PIWIL1: variants seen among roughly 807,000 people sequenced by gnomAD.
The protein encoded by PIWIL1 is piwi like RNA-mediated gene silencing 1.
PIWIL1 carries 73 observed loss-of-function variants against 114.4 expected under a neutral mutation model. That is an observed-to-expected ratio of 0.64 (90% confidence interval 0.53 to 0.78). The LOEUF is 0.78. Ranked by LOEUF, PIWIL1 falls within the 30% of genes least tolerant of loss-of-function variation. The probability of loss-of-function intolerance (pLI) is 0.00; values close to 1 mark genes in which losing one functional copy is unlikely to be tolerated. For missense variants in PIWIL1, 723 were observed against 1,063.1 expected, an observed-to-expected ratio of 0.68 and a Z score of 4.45; for synonymous variants, 375 against 369.0, an observed-to-expected ratio of 1.02 and a Z score of -0.19.
the PIWIL1 span, among the ~76,000 whole-genome samples, chr12:130,381,148 C>T: frequency 1.3e-5 from 2 of 152,296 alleles, no homozygotes; most frequent in Admixed American, 1.3e-4. Context: ...AGGGTTCACT[C>T]CTGTATCTAC....
At chr12:130,373,862 CT>C (rs373661312), downstream of PIWIL1, among the ~76,000 whole-genome samples, 16 of 152,324 alleles carry the variant, frequency 1.1e-4, no homozygotes, top group East Asian at 1.9e-3. Context: ...AGAGAATTCA[CT>C]GCCGCACTCA....
chr12:130,347,057 CA>C lies in PIWIL1; in HGVS notation c.649del (p.Arg217GlyfsTer4). 6.2e-7 allele frequency: 1 copy of C among 1,605,058 alleles called. No individual in the cohort carries two copies. Among genetic ancestry groups the C allele is most frequent in the Non-Finnish European group, 8.5e-7 (1 of 1,175,172 alleles). On this transcript the variant is annotated frameshift_variant, in exon 6 of 21. Coordinates refer to ENST00000245255, the MANE Select transcript of PIWIL1 (RefSeq NM_004764.5). LOFTEE classifies it high-confidence loss of function. ...GTTTGCAGTTCTATAATATTATTTT[CA>C]GGAGGTATGTGTTTTATTTCAACAT... ...TCLQFYNIIF[R>X]RLLKIMNLQQ...
intron 9 of PIWIL1, chr12:130,351,544 G>A (rs1394062218): frequency 6.6e-6 from 1 of 152,190 alleles, no homozygotes. Context: ...TCTCAACACG[G>A]CCCCTACTCG....
At chr12:130,396,558 A>G in the PIWIL1 span, 2 of 152,668 alleles carry the variant, frequency 1.3e-5, no homozygotes, top group Non-Finnish European at 2.9e-5. Context: ...CTTGTGTGCC[A>G]TTCATTGCTG....
chr12:130,370,648 C>T (rs1398078262), intron 19 of PIWIL1, among the ~76,000 whole-genome samples: 1 of 152,128 alleles, frequency 6.6e-6, no homozygotes, highest in Admixed American at 6.5e-5. Flanking sequence ...CTTTCATGTT[C>T]CCTTCCACTT....
chr12:130,398,078 T>A, the PIWIL1 span: 1 of 152,556 alleles, frequency 6.6e-6, no homozygotes, highest in African/African-American at 2.4e-5. Context: ...TTAATTATAA[T>A]CAAAGAAAGC....
chr12:130,411,848 G>GTGAC, the PIWIL1 span, among the ~76,000 whole-genome samples: 9 of 151,678 alleles, frequency 5.9e-5, no homozygotes, highest in Non-Finnish European at 7.4e-5. Context: ...TTTTGATTTT[G>GTGAC]TGATTATCCT....
At chr12:130,389,464 A>G in the PIWIL1 span, among the ~76,000 whole-genome samples, 1 of 152,000 alleles carries the variant, frequency 6.6e-6, no homozygotes, top group East Asian at 1.9e-4. Context: ...TTTCATTTGT[A>G]CTTATCATTT....
At chr12:130,392,976 G>A in the PIWIL1 span, among the ~76,000 whole-genome samples, 1,035 of 85,668 alleles carry the variant, frequency 0.012, 5 homozygotes, top group East Asian at 0.069. Flanking sequence ...CCGTCATCAC[G>A]TGTGTGCGTC....
At chr12:130,352,604 C>G (rs961943706) in intron 9 of PIWIL1, among the ~76,000 whole-genome samples, 2 of 152,116 alleles carry the variant, frequency 1.3e-5, no homozygotes, top group African/African-American at 4.8e-5. Flanking sequence ...CGCTGGAACT[C>G]GGGAGACGGA....
chr12:130,424,913 A>G, the PIWIL1 span: 1 of 1,068,166 alleles, frequency 9.4e-7, no homozygotes, highest in Non-Finnish European at 1.2e-6. This position sits in a 1 kb window ranked among gnomAD's most constrained non-coding sequence, Gnocchi z 9.8. Flanking sequence ...GGTCAGCATG[A>G]AGTGGGGGCC....
chr12:130,403,794 A>G, the PIWIL1 span, among the ~76,000 whole-genome samples: 24 of 152,230 alleles, frequency 1.6e-4, no homozygotes, highest in African/African-American at 5.8e-4. Flanking sequence ...TCTGGAATAT[A>G]ATTTCTGAAT....
chr12:130,399,695 C>T, the PIWIL1 span: 32 of 1,613,156 alleles, frequency 2.0e-5, no homozygotes, highest in Non-Finnish European at 2.5e-5. Flanking sequence ...TGCCTTTGAG[C>T]GCATTGGCGT....
At chr12:130,338,186 G>A in intron 1 of PIWIL1, 40 bp downstream of exon 1, 1 of 330,850 alleles carries the variant, frequency 3.0e-6, no homozygotes, top group East Asian at 1.1e-4. Context: ...GCGGGGGCCG[G>A]GATGCGGGGG....
the PIWIL1 span, among the ~76,000 whole-genome samples, chr12:130,395,725 A>T: frequency 6.6e-6 from 1 of 152,154 alleles, no homozygotes; most frequent in African/African-American, 2.4e-5. Flanking sequence ...TTCTTTGAAA[A>T]GACATCATCT....
At chr12:130,391,024 G>A in the PIWIL1 span, among the ~76,000 whole-genome samples, 1 of 150,306 alleles carries the variant, frequency 6.7e-6, no homozygotes. Flanking sequence ...GCTGTCCCCG[G>A]GGCCCTCGCC....
At chr12:130,361,115 G>T in intron 14 of PIWIL1, 65 bp from the exon 15 acceptor site, 1 of 1,451,100 alleles carries the variant, frequency 6.9e-7, no homozygotes, top group Non-Finnish European at 9.6e-7. Flanking sequence ...TTAGTTTCCT[G>T]TCCTCTCCCT....
chr12:130,347,321 A>G (rs1049772734), intron 6 of PIWIL1, among the ~76,000 whole-genome samples: 12 of 152,218 alleles, frequency 7.9e-5, no homozygotes, highest in African/African-American at 2.9e-4. Flanking sequence ...CATATCCTCG[A>G]GAGCTATTGC....
the PIWIL1 span, chr12:130,422,410 C>T: frequency 4.3e-6 from 6 of 1,392,708 alleles, no homozygotes; most frequent in Admixed American, 1.1e-4. The surrounding 1 kb of genome is among the most constrained non-coding windows in gnomAD (Gnocchi z 5.2). Context: ...CAGCCACATG[C>T]TCCGCGGCTG....
Sources: gnomAD v4.1 joint callset for allele counts (sites outside exome capture counted in the v4.1 genomes callset) on GRCh38, gnomAD v4.1.1 for gene constraint, Gnocchi (gnomAD v3.1) non-coding constraint, MANE v1.5 for transcripts, NCBI Gene and HGNC (gene_info 2026-07-23, HGNC 2026-07-21) for gene names.